RNF38: variants seen among roughly 807,000 people sequenced by gnomAD.
RNF38 encodes the protein ring finger protein 38.
Under a neutral mutation model 67.2 loss-of-function variants are expected in RNF38, and 15 were observed. That is an observed-to-expected ratio of 0.22 (90% CI 0.15 to 0.34). RNF38 has a LOEUF of 0.34. Ranked by LOEUF, RNF38 falls within the 10% of genes least tolerant of loss-of-function variation. RNF38 has a pLI of 1.00. For synonymous variants in RNF38, 220 were observed against 218.8 expected (o/e 1.01, Z -0.05); for missense variants, 524 against 639.9 (o/e 0.82, Z 1.95).
At chr9:36,342,102 C>T (rs1832900751) in intron 11 of RNF38, among the ~76,000 whole-genome samples, 1 of 152,162 alleles carries the variant, frequency 6.6e-6, no homozygotes, top group Admixed American at 6.5e-5. Context: ...AAAGGACATA[C>T]TGATTGTCAA....
At chr9:36,429,785 T>C (rs541176734) in intron 1 of RNF38, among the ~76,000 whole-genome samples, 18 of 152,188 alleles carry the variant, frequency 1.2e-4, no homozygotes, top group African/African-American at 4.1e-4. Flanking sequence ...CAGAGCAAGA[T>C]TCCGTCTCAA....
intron 3 of RNF38, among the ~76,000 whole-genome samples, chr9:36,372,284 T>A (rs1165157666): frequency 2.0e-5 from 3 of 152,184 alleles, no homozygotes; most frequent in African/African-American, 7.2e-5. Flanking sequence ...TTCTAGTTGA[T>A]TTTCATGAGT....
At chr9:36,485,265 T>A (rs1258888961) in intron 1 of RNF38, among the ~76,000 whole-genome samples, 1 of 151,262 alleles carries the variant, frequency 6.6e-6, no homozygotes, top group African/African-American at 2.5e-5. Flanking sequence ...ATTTTTTTCA[T>A]ACTTATTTTC....
intron 4 of RNF38, among the ~76,000 whole-genome samples, chr9:36,361,804 A>T (rs567680954): frequency 2.1e-4 from 32 of 152,286 alleles, no homozygotes; most frequent in African/African-American, 7.5e-4. Flanking sequence ...TTCTTAAGTC[A>T]GGGGTGTAAT....
chr9:36,485,156 G>C (rs1840374475), intron 1 of RNF38, among the ~76,000 whole-genome samples: 1 of 152,176 alleles, frequency 6.6e-6, no homozygotes, highest in South Asian at 2.1e-4. Context: ...GTGACAGAGA[G>C]ACTCCGTCTC....
At chr9:36,356,623 G>T in intron 5 of RNF38, 150 bp from the exon 6 acceptor site, 1 of 550,254 alleles carries the variant, frequency 1.8e-6, no homozygotes. Context: ...AAATACCAGT[G>T]TATTTTTTAA....
chr9:36,401,018 G>C (rs1391232570), upstream of RNF38: 1 of 984,034 alleles, frequency 1.0e-6, no homozygotes. Flanking sequence ...TCCCCTCGCC[G>C]CTAGGCCGCG....
intron 1 of RNF38, among the ~76,000 whole-genome samples, chr9:36,475,481 C>T (rs983895565): frequency 1.3e-5 from 2 of 151,744 alleles, no homozygotes; most frequent in Admixed American, 1.3e-4. Flanking sequence ...CCTCAGCCTC[C>T]CAAGGAGCTG....
intron 2 of RNF38, among the ~76,000 whole-genome samples, chr9:36,376,335 G>T (rs3808863): frequency 5.9e-5 from 9 of 152,050 alleles, no homozygotes; most frequent in Non-Finnish European, 1.3e-4. Flanking sequence ...TAAATGATAC[G>T]AAGTGAAAAA....
At chr9:36,439,193 T>C (rs1044701473) in intron 1 of RNF38, among the ~76,000 whole-genome samples, 3 of 152,194 alleles carry the variant, frequency 2.0e-5, no homozygotes, top group Admixed American at 6.5e-5. Flanking sequence ...ATTTTTAAAA[T>C]ACAAAAATTA....
chr9:36,418,729 T>C (rs972716137), intron 2 of RNF38, among the ~76,000 whole-genome samples: 4 of 152,044 alleles, frequency 2.6e-5, no homozygotes, highest in African/African-American at 9.7e-5. Context: ...GAGGTTGCAG[T>C]GAGGCGAGAT....
intron 4 of RNF38, among the ~76,000 whole-genome samples, chr9:36,361,985 G>A (rs1349256774): frequency 6.6e-6 from 1 of 152,108 alleles, no homozygotes; most frequent in East Asian, 1.9e-4. Flanking sequence ...CTGACACCAA[G>A]ATTAAGATGC....
chr9:36,398,367 G>C (rs750047557), intron 1 of RNF38, among the ~76,000 whole-genome samples: 2 of 152,086 alleles, frequency 1.3e-5, no homozygotes, highest in Non-Finnish European at 2.9e-5. Flanking sequence ...CCAGAAGTTC[G>C]AGTCCAGAAG....
intron 4 of RNF38, among the ~76,000 whole-genome samples, chr9:36,361,695 C>T (rs953859604): frequency 3.3e-5 from 5 of 152,138 alleles, no homozygotes; most frequent in African/African-American, 1.2e-4. Context: ...GTGTCATTGT[C>T]TGGTTTTCCC....
upstream of RNF38, chr9:36,400,334 C>G: frequency 8.0e-7 from 1 of 1,244,666 alleles, no homozygotes. Context: ...ACCTGCGTCT[C>G]GGCAAAAAGG....
intron 4 of RNF38, among the ~76,000 whole-genome samples, 161 bp from the exon 5 acceptor site, chr9:36,358,103 G>C (rs1017594028): frequency 6.6e-6 from 1 of 152,128 alleles, no homozygotes; most frequent in Non-Finnish European, 1.5e-5. Context: ...GTCTTTGTAG[G>C]GGAGAGTTGA....
chr9:36,454,875 C>A (rs1449315653), intron 1 of RNF38, among the ~76,000 whole-genome samples: 1 of 151,934 alleles, frequency 6.6e-6, no homozygotes, highest in Non-Finnish European at 1.5e-5. Context: ...TGAGCCACTG[C>A]ACCCGACCTA....
chr9:36,355,027 A>C (rs1833994724), intron 6 of RNF38, among the ~76,000 whole-genome samples: 1 of 152,182 alleles, frequency 6.6e-6, no homozygotes, highest in Non-Finnish European at 1.5e-5. Context: ...GAATTCCCAG[A>C]TACTGGAAGC....
Position 36,367,955 on chromosome 9 carries a change from G to A in RNF38, c.570+1764C>T, listed in dbSNP as rs1274386409. On this transcript the variant is annotated intron_variant, in intron 4 of 11. Transcript: ENST00000259605. ...CAACCTCCACCTCACAGGTTCAAGC[G>A]CTTCTCCTGCTTCAGCCTCCCTAGT... is the stretch of plus-strand genomic sequence containing the variant. 2.0e-5 allele frequency among the ~76,000 whole-genome samples: 3 copies of A among 152,164 alleles called. No individual in the cohort carries two copies. The East Asian group carries it at 5.8e-4, about 29-fold the overall frequency.
Sources: gnomAD v4.1 joint callset for allele counts (sites outside exome capture counted in the v4.1 genomes callset) on GRCh38, gnomAD v4.1.1 for gene constraint, MANE v1.5 for transcripts, NCBI Gene and HGNC (gene_info 2026-07-23, HGNC 2026-07-21) for gene names.